Variants in SEMA5B observed in about 807,000 individuals in gnomAD.
The protein encoded by SEMA5B is semaphorin 5B.
A neutral mutation model predicts 135.0 loss-of-function variants in SEMA5B; 66 were observed. That is an observed-to-expected ratio of 0.49 (90% CI 0.40 to 0.60). SEMA5B has a LOEUF of 0.60. SEMA5B is among the 20% of genes least tolerant of loss of function. The pLI is 0.00. For missense variants in SEMA5B, 1,501 were observed against 1,566.3 expected (o/e 0.96, Z 0.70); for synonymous variants, 690 against 639.5 (o/e 1.08, Z -1.19).
chr3:123,014,922 C>A (rs572160939), intron 1 of SEMA5B, among the ~76,000 whole-genome samples: 2 of 152,286 alleles, frequency 1.3e-5, no homozygotes, highest in East Asian at 1.9e-4. Flanking sequence ...TAGATGAAGT[C>A]ACACTGGAGG....
At chr3:122,918,011 G>T (rs956415372) in intron 12 of SEMA5B, among the ~76,000 whole-genome samples, 1 of 152,110 alleles carries the variant, frequency 6.6e-6, no homozygotes, top group Admixed American at 6.5e-5. Flanking sequence ...ACTCAGCAAA[G>T]CCCACTCCTG....
intron 1 of SEMA5B, among the ~76,000 whole-genome samples, chr3:123,006,718 T>C (rs1942321620): frequency 6.6e-6 from 1 of 152,166 alleles, no homozygotes. Flanking sequence ...AGCCTTGGTC[T>C]TCTGTGTTGA....
intron 1 of SEMA5B, among the ~76,000 whole-genome samples, chr3:123,018,235 C>G (rs1175201670): frequency 6.6e-6 from 1 of 152,210 alleles, no homozygotes; most frequent in Non-Finnish European, 1.5e-5. Flanking sequence ...TACTGTTTAC[C>G]CATCTGTTTA....
chr3:122,920,447 CT>C (rs1938291860), intron 12 of SEMA5B, among the ~76,000 whole-genome samples: 1 of 152,144 alleles, frequency 6.6e-6, no homozygotes, highest in Non-Finnish European at 1.5e-5. Context: ...CCAAGCTGTA[CT>C]GACTATATTC....
At chr3:122,923,829 G>A (rs543847005) in intron 9 of SEMA5B, 77 bp from the exon 10 acceptor site, 144 of 1,534,418 alleles carry the variant, frequency 9.4e-5, no homozygotes, top group African/African-American at 3.8e-4. Context: ...ACAGCCAGCT[G>A]TCATGTCCAA....
chr3:122,925,630 A>G (rs961008651), intron 9 of SEMA5B, among the ~76,000 whole-genome samples: 4 of 152,084 alleles, frequency 2.6e-5, no homozygotes, highest in African/African-American at 9.7e-5. Context: ...AGATTGCCCC[A>G]CTGCGCTCCA....
chr3:122,971,860 C>A (rs1339860806), intron 1 of SEMA5B, among the ~76,000 whole-genome samples: 2 of 152,234 alleles, frequency 1.3e-5, no homozygotes, highest in Non-Finnish European at 2.9e-5. Context: ...GCAACAGGCA[C>A]CGTGTTCTGC....
Position 122,939,443 on chromosome 3 carries a change from G to C in SEMA5B, c.456C>G (p.Ala152=). Residue 152 remains alanine, a synonymous_variant, in exon 5 of 23, where the codon GCC becomes GCG. Transcript: ENST00000357599. ...ATCGTACCTGAAGAAGAGAGACATTGGCAAGGCTGAGTCTGAAGAGGTAGT... is the reference window on the plus strand; with the variant it reads ...ATCGTACCTGAAGAAGAGAGACATTCGCAAGGCTGAGTCTGAAGAGGTAGT... The part of the protein sequence containing the change: ...ARNYLFRLSL[A]NVSLLQATEW... 6.2e-7 allele frequency: 1 copy of C among 1,612,364 alleles called. No individual in the cohort carries two copies. The highest frequency in any genetic ancestry group is 2.2e-5 in the East Asian group (1 of 44,878).
chr3:122,964,147 C>T (rs1553778211), intron 1 of SEMA5B, among the ~76,000 whole-genome samples: 1 of 152,216 alleles, frequency 6.6e-6, no homozygotes, highest in Non-Finnish European at 1.5e-5. Flanking sequence ...CCATGTTCCT[C>T]ATCTCTGTCA....
intron 1 of SEMA5B, among the ~76,000 whole-genome samples, chr3:123,010,265 GA>G (rs1942408398): frequency 1.3e-5 from 2 of 152,200 alleles, no homozygotes; most frequent in Admixed American, 1.3e-4. Context: ...GGAATTGGAA[GA>G]CAAGGGTTTA....
chr3:123,026,640 C>G (rs1243094292), intron 1 of SEMA5B, among the ~76,000 whole-genome samples: 2 of 152,246 alleles, frequency 1.3e-5, no homozygotes, highest in Non-Finnish European at 2.9e-5. Flanking sequence ...TCCCCTCTCC[C>G]GTCTGCATCC....
At chr3:122,966,693 T>C (rs1189395032) in intron 1 of SEMA5B, among the ~76,000 whole-genome samples, 3 of 150,334 alleles carry the variant, frequency 2.0e-5, no homozygotes, top group Non-Finnish European at 3.0e-5. Flanking sequence ...TAGCTGGGAC[T>C]ACAGGCCCCC....
At chr3:122,930,548 G>T (rs1490525234) in intron 5 of SEMA5B, among the ~76,000 whole-genome samples, 4 of 152,254 alleles carry the variant, frequency 2.6e-5, no homozygotes, top group African/African-American at 9.6e-5. Context: ...TTGCAGTTGT[G>T]CAGGCCAAAA....
rs1389675190 is a variant in SEMA5B, at chr3:122,913,596, C to T, written c.2218G>A (p.Gly740Arg). 6.2e-7 allele frequency: 1 copy of T among 1,613,348 alleles called. No homozygotes were observed. The highest frequency in any genetic ancestry group is 1.3e-5 in the African/African-American group (1 of 74,946). Residue 740 changes from glycine to arginine, a missense_variant, in exon 16 of 23, where the codon GGG (glycine) becomes AGG (arginine). Physicochemically the swap from Gly to Arg is moderately radical, Grantham distance 125. Transcript: ENST00000357599. ...SWSKCSSNCG[G>R]GMQSRRRACE... ...GCCCGACGCCGCGACTGCATGCCCC[C>T]TCCACAGTTGCTGCTGCACTTGCTC...
chr3:122,973,825 GGGA>G (rs1420622523), intron 1 of SEMA5B, among the ~76,000 whole-genome samples: 1 of 152,142 alleles, frequency 6.6e-6, no homozygotes, highest in Non-Finnish European at 1.5e-5. Flanking sequence ...AGGGCAGAGA[GGGA>G]GGAGAAGGTA....
intron 1 of SEMA5B, among the ~76,000 whole-genome samples, chr3:122,982,294 G>A (rs958141362): frequency 1.3e-4 from 20 of 152,206 alleles, no homozygotes; most frequent in Non-Finnish European, 2.5e-4. Context: ...CCCAGCACTG[G>A]TTCACAAAAT....
intron 5 of SEMA5B, among the ~76,000 whole-genome samples, chr3:122,933,280 A>G (rs578023476): frequency 6.6e-6 from 1 of 152,128 alleles, no homozygotes; most frequent in South Asian, 2.1e-4. Flanking sequence ...TGGTAGATCA[A>G]TTTTTCAAAT....
intron 1 of SEMA5B, among the ~76,000 whole-genome samples, chr3:123,011,553 C>T (rs1406638672): frequency 1.3e-5 from 2 of 152,236 alleles, no homozygotes; most frequent in African/African-American, 2.4e-5. Flanking sequence ...TTCCCCAGGA[C>T]AGCAGACTCT....
rs1939183462 is a variant in SEMA5B at position 122,934,993 on chromosome 3, A to G, written c.474+4432T>C. ...GTGGGGGGATGTATGTAAATGAAAG[A>G]TGATTGACCTTGAGCTGATAATTGT... On this transcript the variant is annotated intron_variant, in intron 5 of 22. Transcript: ENST00000357599. 2.0e-5 allele frequency among the ~76,000 whole-genome samples: 3 copies of G among 152,278 alleles called. 1 individual carries two copies. The South Asian group carries it at 6.2e-4, about 32-fold the overall frequency.
Sources: allele counts gnomAD v4.1 joint callset (sites outside exome capture counted in the v4.1 genomes callset), GRCh38; gene constraint gnomAD v4.1.1; transcripts MANE v1.5; gene names NCBI Gene and HGNC (gene_info 2026-07-23, HGNC 2026-07-21).